The following PTPN3 variants were observed in gnomAD, a reference collection of about 807,000 sequenced individuals.
The protein encoded by PTPN3 is tyrosine-protein phosphatase non-receptor type 3.
PTPN3 carries 96 observed loss-of-function variants against 132.7 expected under a neutral mutation model. That is an observed-to-expected ratio of 0.72 (90% CI 0.61 to 0.86). The LOEUF is 0.86. Among genes scored for constraint, PTPN3 ranks in the 40% least tolerant of loss-of-function variants. The probability of loss-of-function intolerance (pLI) is 0.00; values close to 1 mark genes in which losing one functional copy is unlikely to be tolerated. For missense variants in PTPN3, 1,125 were observed against 1,159.6 expected (o/e 0.97, Z 0.43); for synonymous variants, 398 against 429.0 (o/e 0.93, Z 0.89).
the PTPN3 span, among the ~76,000 whole-genome samples, chr9:109,503,497 G>A: frequency 6.6e-6 from 1 of 152,138 alleles, no homozygotes; most frequent in African/African-American, 2.4e-5. Context: ...CTGAGGTCAG[G>A]AGTTTGAGAA....
At chr9:109,442,236 C>A (rs1443473355) in intron 7 of PTPN3, among the ~76,000 whole-genome samples, 1 of 152,060 alleles carries the variant, frequency 6.6e-6, no homozygotes, top group Non-Finnish European at 1.5e-5. Flanking sequence ...TTTGTAGAGA[C>A]AGGGTTTCAC....
intron 19 of PTPN3, among the ~76,000 whole-genome samples, chr9:109,393,384 CTTTT>C (rs929613549): frequency 2.5e-5 from 3 of 119,904 alleles, no homozygotes; most frequent in Non-Finnish European, 3.6e-5. Context: ...TTTTTTTTGT[CTTTT>C]TTTTTTTTTT....
the PTPN3 span, among the ~76,000 whole-genome samples, chr9:109,523,116 CTTT>C: frequency 7.1e-6 from 1 of 140,196 alleles, no homozygotes; most frequent in Non-Finnish European, 1.6e-5. Context: ...AAATTTATAT[CTTT>C]TTTTTTTTTT....
rs113541213 is a variant in PTPN3, at chr9:109,418,425, T to C, written c.1313+1999A>G. Among the ~76,000 whole-genome samples, 268 of 152,342 alleles carry C rather than the reference T, an allele frequency of 1.8e-3. 1 individual carries two copies. Among genetic ancestry groups the C allele is most frequent in the African/African-American group, 6.2e-3 (259 of 41,584 alleles). On this transcript the variant is annotated intron_variant, in intron 14 of 25. Transcript: ENST00000374541. The stretch of plus-strand genomic sequence containing the variant: ...CTGGGCTGTGAGGGCACTCAGAGGC[T>C]ATCCACCTGCCCCATGCCACAGATG...
intron 22 of PTPN3, among the ~76,000 whole-genome samples, chr9:109,388,211 T>C (rs917632681): frequency 6.6e-6 from 1 of 152,166 alleles, no homozygotes; most frequent in African/African-American, 2.4e-5. Flanking sequence ...TGGGTGGTGA[T>C]GTGGACGGGT....
chr9:109,522,614 A>G, the PTPN3 span, among the ~76,000 whole-genome samples: 4 of 152,334 alleles, frequency 2.6e-5, no homozygotes, highest in African/African-American at 9.6e-5. Flanking sequence ...TGCTAGTGGC[A>G]TTGTAAACTG....
chr9:109,426,090 T>C (rs923718691), intron 12 of PTPN3, among the ~76,000 whole-genome samples: 6 of 150,516 alleles, frequency 4.0e-5, no homozygotes, highest in African/African-American at 1.5e-4. Context: ...CTACCTCTTA[T>C]ACTTAGAGGG....
chr9:109,448,696 T>C, intron 6 of PTPN3, 115 bp downstream of exon 6: 1 of 1,037,410 alleles, frequency 9.6e-7, no homozygotes, highest in South Asian at 1.4e-5. Context: ...ACAGGATGCT[T>C]TGCACATCCA....
At chr9:109,470,599 G>T (rs1161190615) in intron 1 of PTPN3, among the ~76,000 whole-genome samples, 2 of 152,022 alleles carry the variant, frequency 1.3e-5, no homozygotes, top group South Asian at 2.1e-4. Context: ...GGGAGGCTGA[G>T]GTGGGAGAAT....
the PTPN3 span, chr9:109,533,959 A>G: frequency 1.8e-5 from 14 of 756,978 alleles, no homozygotes; most frequent in Non-Finnish European, 3.1e-5. Flanking sequence ...GACCTATAAC[A>G]TGTGCTGCCT....
chr9:109,383,492 G>A lies in PTPN3; in HGVS notation c.2313C>T (p.His771=), dbSNP rs1588285410. 1.2e-6 allele frequency: 2 copies of A among 1,614,154 alleles called. No individual in the cohort carries two copies. Among genetic ancestry groups the A allele is most frequent in the African/African-American group, 1.3e-5 (1 of 75,028 alleles). ...TGCAGTCCTCTGACTGACACTGGAT[G>A]TGAAAGCCGCCGTGGTTCATGACGT... ...PPDVMNHGGF[H]IQCQSEDCTI... is the part of the protein sequence containing the mutation. The change falls in exon 23 of 26, where the codon CAC becomes CAT. Residue 771 remains histidine (H), a synonymous_variant. Coordinates refer to ENST00000374541, the MANE Select transcript of PTPN3 (RefSeq NM_002829.4).
At chr9:109,444,473 G>A (rs375544822) in intron 7 of PTPN3, among the ~76,000 whole-genome samples, 3 of 152,038 alleles carry the variant, frequency 2.0e-5, no homozygotes, top group Admixed American at 1.3e-4. Context: ...AGCGACGTGC[G>A]GTTAGTCCAA....
intron 1 of PTPN3, among the ~76,000 whole-genome samples, chr9:109,481,557 T>C (rs1846959141): frequency 6.6e-6 from 1 of 152,164 alleles, no homozygotes; most frequent in Non-Finnish European, 1.5e-5. Context: ...CTCAGTTTCT[T>C]CATGTGCCTG....
chr9:109,384,884 C>T (rs543337694), intron 22 of PTPN3, among the ~76,000 whole-genome samples: 53 of 152,306 alleles, frequency 3.5e-4, no homozygotes, highest in African/African-American at 1.2e-3. Context: ...AAACCTTAAA[C>T]ATGGGTAATT....
chr9:109,489,948 G>A (rs368615152), intron 1 of PTPN3, among the ~76,000 whole-genome samples: 31 of 152,078 alleles, frequency 2.0e-4, no homozygotes, highest in Non-Finnish European at 4.1e-4. Context: ...TTGGGAGGCC[G>A]AGGTAGGTGG....
intron 19 of PTPN3, chr9:109,392,721 A>C (rs1840235181): frequency 6.6e-6 from 1 of 151,990 alleles, no homozygotes; most frequent in South Asian, 2.1e-4. Flanking sequence ...CTCGTGCCTC[A>C]GCCTTCCGAG....
intron 10 of PTPN3, among the ~76,000 whole-genome samples, chr9:109,432,613 G>C (rs1243004898): frequency 6.6e-6 from 1 of 152,170 alleles, no homozygotes; most frequent in Non-Finnish European, 1.5e-5. Context: ...TTCCCACCAG[G>C]CCTGTGAGCT....
chr9:109,379,599 C>T lies in PTPN3; in HGVS notation c.2699G>A (p.Arg900His), dbSNP rs754659379. 2.0e-5 allele frequency: 32 copies of T among 1,613,926 alleles called. No homozygotes were observed. Among genetic ancestry groups the T allele is most frequent in the East Asian group, 8.9e-5 (4 of 44,894 alleles). ...QYKFVCEAIL[R>H]VYEEGLVQML... ...TTGGACTAAACCTTCTTCATACACA[C>T]GAAGAATCGCTTCACACACAAACTT... Residue 900 changes from arginine to histidine, a missense_variant, in exon 26 of 26, where the codon CGT becomes CAT. Coordinates refer to ENST00000374541, the MANE Select transcript of PTPN3 (RefSeq NM_002829.4).
At chr9:109,532,851 A>G in the PTPN3 span, 3 of 1,046,654 alleles carry the variant, frequency 2.9e-6, no homozygotes, top group African/African-American at 2.1e-5. Context: ...CGCCCTGCTT[A>G]GCCTCGGGAG....
Sources: allele counts gnomAD v4.1 joint callset (sites outside exome capture counted in the v4.1 genomes callset), GRCh38; gene constraint gnomAD v4.1.1; transcripts MANE v1.5; gene names NCBI Gene and HGNC (gene_info 2026-07-23, HGNC 2026-07-21).